Variants in TMEM50B observed in about 807,000 individuals in gnomAD.
The protein encoded by TMEM50B is HCV p7-trans-regulated protein 3.
A neutral mutation model predicts 23.4 loss-of-function variants in TMEM50B; 14 were observed. The observed-to-expected ratio is 0.60, with a 90% confidence interval of 0.39 to 0.93. The LOEUF (loss-of-function observed/expected upper bound fraction) is 0.93, where lower values mean the gene tolerates loss of function less well. Ranked by LOEUF, TMEM50B falls within the 40% of genes least tolerant of loss-of-function variation. TMEM50B has a pLI of 0.00. For missense variants in TMEM50B, 159 were observed against 193.0 expected (o/e 0.82, Z 1.04); for synonymous variants, 64 against 62.3 (o/e 1.03, Z -0.13).
intron 6 of TMEM50B, among the ~76,000 whole-genome samples, chr21:33,452,522 T>C (rs888115496): frequency 6.6e-6 from 1 of 152,002 alleles, no homozygotes; most frequent in Non-Finnish European, 1.5e-5. Context: ...ACAAGTCGAG[T>C]AGAGAAACCT....
downstream of TMEM50B, among the ~76,000 whole-genome samples, chr21:33,447,715 CACACATATAT>C (rs1233093419): frequency 1.1e-4 from 11 of 104,564 alleles, no homozygotes; most frequent in East Asian, 2.9e-4. Context: ...CACACACACA[CACACATATAT>C]ATATATACTG....
rs972895484 is a variant in TMEM50B, at chr21:33,479,886, G to A, written c.-90C>T. ...CGACTTCAGGCGCGCGCGCAGGAAG[G>A]AGACTGCTGCGCCACAACCCTGCCG... On this transcript the variant is annotated 5_prime_UTR_variant, in exon 1 of 7. Transcript: ENST00000542230. 1 of 152,300 alleles carries A rather than the reference G, an allele frequency of 6.6e-6. No homozygotes were observed. Among genetic ancestry groups the A allele is most frequent in the African/African-American group, 2.4e-5 (1 of 41,456 alleles). The allele number at this position is 152,300 out of a possible 1,614,324, so 9.4% of individuals were successfully genotyped here.
intron 1 of TMEM50B, among the ~76,000 whole-genome samples, chr21:33,470,645 G>A (rs1278893667): frequency 6.6e-6 from 1 of 152,070 alleles, no homozygotes; most frequent in Admixed American, 6.6e-5. Flanking sequence ...GCTGAGGCAG[G>A]AGAATGGCAT....
chr21:33,444,073 G>A (rs1053019977), intron 7 of TMEM50B, among the ~76,000 whole-genome samples: 54 of 152,102 alleles, frequency 3.6e-4, no homozygotes, highest in African/African-American at 1.3e-3. Flanking sequence ...GCTAATTTTT[G>A]TATTTTTAGT....
In TMEM50B at chr21:33,453,908, G is replaced by A. The variant is rs140763304; in HGVS notation, c.431+1819C>T. On this transcript the variant is annotated intron_variant, in intron 6 of 6. Transcript: ENST00000542230. ...CACTTGAGGTCAGGAGTTCGAGACC[G>A]GCCTGGTCAACATGGCAAAACCCCA... Among the ~76,000 whole-genome samples, 149 of 151,814 alleles carry A rather than the reference G, an allele frequency of 9.8e-4. No individual in the cohort carries two copies. In the East Asian group the frequency reaches 0.022, roughly 22 times the overall value.
chr21:33,438,875 G>C (rs1274737514), intron 8 of TMEM50B, among the ~76,000 whole-genome samples: 1 of 152,012 alleles, frequency 6.6e-6, no homozygotes, highest in African/African-American at 2.4e-5. Flanking sequence ...GATTACAGGC[G>C]TGCACCACTA....
intron 8 of TMEM50B, chr21:33,437,126 CT>C (rs756768721): frequency 0.14 from 63,662 of 462,152 alleles, 25 homozygotes; most frequent in South Asian, 0.15. Context: ...GGGTGACAAG[CT>C]TTTTTTTTTT....
At chr21:33,454,645 G>A (rs2084152723) in intron 6 of TMEM50B, among the ~76,000 whole-genome samples, 1 of 151,972 alleles carries the variant, frequency 6.6e-6, no homozygotes, top group South Asian at 2.1e-4. Flanking sequence ...TCTTCATAAA[G>A]GTACTTTACC....
chr21:33,437,740 T>C (rs2083971364), intron 8 of TMEM50B, among the ~76,000 whole-genome samples: 1 of 152,142 alleles, frequency 6.6e-6, no homozygotes, highest in Non-Finnish European at 1.5e-5. Flanking sequence ...TCCCAGCACT[T>C]TGGGAGGCTG....
At chr21:33,471,758 G>A (rs1203356116) in intron 1 of TMEM50B, among the ~76,000 whole-genome samples, 2 of 152,148 alleles carry the variant, frequency 1.3e-5, no homozygotes, top group Admixed American at 6.6e-5. Context: ...TCTAGGGGCT[G>A]GGCGCAGTGG....
At chr21:33,465,458 A>T (rs757252376) in intron 3 of TMEM50B, 49 bp from the exon 4 acceptor site, 16 of 1,400,238 alleles carry the variant, frequency 1.1e-5, no homozygotes. Context: ...CGCTGTTAAA[A>T]TACTCAAATA....
intron 7 of TMEM50B, among the ~76,000 whole-genome samples, chr21:33,439,522 G>T (rs574727862): frequency 6.6e-6 from 1 of 151,932 alleles, no homozygotes; most frequent in South Asian, 2.1e-4. Context: ...TGGGATTACA[G>T]ATGTGCGCCA....
chr21:33,452,427 A>G (rs1384438986), intron 6 of TMEM50B, among the ~76,000 whole-genome samples: 1 of 152,182 alleles, frequency 6.6e-6, no homozygotes. Flanking sequence ...TATACATAAG[A>G]GGAAACTACC....
At chr21:33,471,647 G>A (rs1036050783) in intron 1 of TMEM50B, among the ~76,000 whole-genome samples, 6 of 149,070 alleles carry the variant, frequency 4.0e-5, no homozygotes, top group African/African-American at 1.6e-4. Flanking sequence ...GTCGAGGCAG[G>A]AAGATTGCTT....
chr21:33,446,243 T>A (rs9974316), downstream of TMEM50B, among the ~76,000 whole-genome samples: 24 of 113,010 alleles, frequency 2.1e-4, no homozygotes, highest in South Asian at 2.9e-3. Flanking sequence ...ATTTTTTATT[T>A]TTTATTTTTT....
Position 33,450,203 on chromosome 21 carries a change from CCTTCTTTT to C in TMEM50B, c.*607_*614del, listed in dbSNP as rs1484548941. 3.3e-5 allele frequency: 1 copy of C among 30,090 alleles called. No individual in the cohort carries two copies. Among genetic ancestry groups the C allele is most frequent in the East Asian group, 6.8e-3 (1 of 146 alleles). 1.9% of individuals were successfully genotyped at this position (30,090 alleles called of 1,614,324 possible). A position where few individuals can be genotyped will look rare whatever the true frequency, so the allele number is the denominator to read the frequency against. On this transcript the variant is annotated 3_prime_UTR_variant, in exon 7 of 7. Transcript: ENST00000542230. The stretch of plus-strand genomic sequence containing the variant: ...TCAGAAATCAGATACTGAGAGTGGT[CCTTCTTTT>C]TTTTGAGAGGGAGTTTCACTTTCTC...
In TMEM50B at chr21:33,436,225, C is replaced by T. The variant is rs148947987; in HGVS notation, c.*2120+2989G>A. Among the ~76,000 whole-genome samples the T allele has an allele frequency of 1.7e-3, 248 of 148,974 alleles. 1 individual carries two copies. The highest frequency in any genetic ancestry group is 0.015 in the Middle Eastern group (4 of 262). ...ACAAAATTAGCAGGGTGTGGTGGTG[C>T]ATGCCTGTAATCCCAGCTACTTGGG... On this transcript the variant is annotated intron_variant and NMD_transcript_variant, in intron 8 of 8. Transcript: ENST00000420455.
chr21:33,466,673 A>T (rs917470316), intron 3 of TMEM50B, among the ~76,000 whole-genome samples: 3 of 152,168 alleles, frequency 2.0e-5, no homozygotes, highest in Admixed American at 6.5e-5. Flanking sequence ...TAATTCTAAG[A>T]TACCACTGAC....
intron 1 of TMEM50B, among the ~76,000 whole-genome samples, chr21:33,477,993 G>C (rs2123468878): frequency 6.6e-6 from 1 of 151,656 alleles, no homozygotes; most frequent in African/African-American, 2.4e-5. Context: ...AAATTAGCCG[G>C]GCGTGGTGGT....
Sources: allele counts gnomAD v4.1 joint callset (sites outside exome capture counted in the v4.1 genomes callset), GRCh38; gene constraint gnomAD v4.1.1; transcripts MANE v1.5; gene names NCBI Gene and HGNC (gene_info 2026-07-23, HGNC 2026-07-21).